The following RAPGEF2 variants were observed in gnomAD, a reference collection of about 807,000 sequenced individuals.
RAPGEF2 encodes PDZ domain containing guanine nucleotide exchange factor (GEF) 1.
RAPGEF2 carries 54 observed loss-of-function variants against 186.7 expected under a neutral mutation model. That is an observed-to-expected ratio of 0.29 (90% confidence interval 0.23 to 0.36). RAPGEF2 has a LOEUF of 0.36. Among genes scored for constraint, RAPGEF2 ranks in the 10% least tolerant of loss-of-function variants. The pLI is 1.00. For synonymous variants in RAPGEF2, 712 were observed against 705.9 expected (o/e 1.01, Z -0.14); for missense variants, 1,532 against 2,045.0 (o/e 0.75, Z 4.84).
At position 159,219,347 on chromosome 4, in the gene RAPGEF2, C is replaced by CTTTTTT. The variant is rs70962664; in HGVS notation, c.281+8785_281+8790dup. On this transcript the variant is annotated intron_variant, in intron 4 of 29. Coordinates refer to ENST00000691494, the MANE Select transcript of RAPGEF2 (RefSeq NM_001394067.2). ...CAAGGGATAGTGTCCCAACTGTATC[C>CTTTTTT]TTTTTTTTTTTTTTTTTTTTTTTTT... 6.1e-4 allele frequency among the ~76,000 whole-genome samples: 50 copies of CTTTTTT among 81,416 alleles called. 2 individuals carry two copies. The highest frequency in any genetic ancestry group is 2.4e-3 in the African/African-American group (42 of 17,784). The allele number at this position is 81,416 out of a possible 152,430, so 53.4% of individuals were successfully genotyped here.
intron 28 of RAPGEF2, 131 bp downstream of exon 28, chr4:159,354,177 T>C: frequency 9.9e-7 from 1 of 1,014,626 alleles, no homozygotes. Context: ...ACTTCCAAAT[T>C]AGTGGTGTGT....
intron 1 of RAPGEF2, among the ~76,000 whole-genome samples, chr4:159,167,293 C>A (rs1745430631): frequency 6.6e-6 from 1 of 152,130 alleles, no homozygotes; most frequent in South Asian, 2.1e-4. Context: ...AGTTTAGTTA[C>A]CATTTGAAAT....
chr4:159,279,980 C>T (rs755864179), intron 7 of RAPGEF2, among the ~76,000 whole-genome samples: 5 of 152,090 alleles, frequency 3.3e-5, no homozygotes, highest in South Asian at 2.1e-4. Context: ...CCACTGTGCC[C>T]GGCCTATATG....
rs1455218063 is a variant in RAPGEF2, at chr4:159,350,237, A to G, written c.3813A>G (p.Ala1271=). 2 of 1,601,062 alleles carry G rather than the reference A, an allele frequency of 1.2e-6. No individual in the cohort carries two copies. Among genetic ancestry groups the G allele is most frequent in the Non-Finnish European group, 1.7e-6 (2 of 1,173,884 alleles). The change falls in exon 26 of 30, where the codon GCA becomes GCG. Residue 1271 remains alanine (A), a synonymous_variant. Transcript: ENST00000691494. ...AGGCTGAAGATACAATATCAAATGC[A>G]TCTTCGCAGCTTTCTTCTCCTCCTA... ...KKQAEDTISN[A]SSQLSSPPTS...
intron 17 of RAPGEF2, among the ~76,000 whole-genome samples, chr4:159,337,209 G>T (rs190704769): frequency 1.6e-3 from 250 of 152,196 alleles, no homozygotes; most frequent in South Asian, 3.7e-3. Flanking sequence ...ATTTCTGTTG[G>T]CTTTTCTTTG....
At chr4:159,111,071 G>C (rs965679169) in intron 1 of RAPGEF2, among the ~76,000 whole-genome samples, 1 of 150,460 alleles carries the variant, frequency 6.6e-6, no homozygotes, top group Non-Finnish European at 1.5e-5. Flanking sequence ...ACTACCTACT[G>C]AATTTTAAGA....
intron 7 of RAPGEF2, among the ~76,000 whole-genome samples, chr4:159,296,621 C>A (rs1308255406): frequency 6.6e-6 from 1 of 152,164 alleles, no homozygotes; most frequent in African/African-American, 2.4e-5. Flanking sequence ...AATAGTCCTA[C>A]TAATACCTAT....
At chr4:159,198,338 T>TTTC (rs1749022211) in intron 3 of RAPGEF2, among the ~76,000 whole-genome samples, 2 of 136,610 alleles carry the variant, frequency 1.5e-5, no homozygotes, top group Non-Finnish European at 3.2e-5. Context: ...TTCTTTCTTT[T>TTTC]TCTTTCTCTC....
At chr4:159,294,702 C>G (rs1169941009) in intron 7 of RAPGEF2, among the ~76,000 whole-genome samples, 1 of 151,432 alleles carries the variant, frequency 6.6e-6, no homozygotes, top group Non-Finnish European at 1.5e-5. Flanking sequence ...TTCCGTCCGT[C>G]TGTCCGTCCT....
At chr4:159,151,097 A>G (rs1743485938) in intron 1 of RAPGEF2, among the ~76,000 whole-genome samples, 3 of 152,244 alleles carry the variant, frequency 2.0e-5, no homozygotes, top group African/African-American at 4.8e-5. Context: ...CCTATTTCCT[A>G]TACTTCAAGT....
intron 1 of RAPGEF2, among the ~76,000 whole-genome samples, chr4:159,123,720 G>T (rs976078811): frequency 6.6e-6 from 1 of 151,686 alleles, no homozygotes; most frequent in African/African-American, 2.4e-5. Flanking sequence ...GGGTTTCACC[G>T]TGTTAGCCAG....
At chr4:159,230,851 T>C (rs1247001996) in intron 4 of RAPGEF2, among the ~76,000 whole-genome samples, 1 of 152,178 alleles carries the variant, frequency 6.6e-6, no homozygotes, top group African/African-American at 2.4e-5. Context: ...TATAAACTAC[T>C]TAAGAAGAGG....
At chr4:159,212,636 T>C (rs949820096) in intron 4 of RAPGEF2, among the ~76,000 whole-genome samples, 3 of 152,224 alleles carry the variant, frequency 2.0e-5, no homozygotes, top group African/African-American at 4.8e-5. Context: ...CTATTTAACA[T>C]TCAGCTATTT....
At position 159,358,401 on chromosome 4, in the gene RAPGEF2, T is replaced by G; in HGVS notation, c.*262T>G. 1 of 418,596 alleles carries G rather than the reference T, an allele frequency of 2.4e-6. No individual in the cohort carries two copies. The highest frequency in any genetic ancestry group is 4.2e-6 in the Non-Finnish European group (1 of 237,870). 25.9% of individuals were successfully genotyped at this position (418,596 alleles called of 1,614,324 possible). A position where few individuals can be genotyped will look rare whatever the true frequency, so the allele number is the denominator to read the frequency against. On this transcript the variant is annotated 3_prime_UTR_variant, in exon 30 of 30. Coordinates refer to ENST00000691494, the MANE Select transcript of RAPGEF2 (RefSeq NM_001394067.2). ...GCAGCAATCTTCGAGCTCCCACTGT[T>G]GCTGCCTGCCACATCACACAGTATC... is the stretch of plus-strand genomic sequence containing the variant.
chr4:159,248,168 A>G (rs762765723), intron 7 of RAPGEF2, among the ~76,000 whole-genome samples: 3 of 152,230 alleles, frequency 2.0e-5, no homozygotes, highest in Non-Finnish European at 2.9e-5. Context: ...TTTAATGACC[A>G]TATTGTATAT....
At chr4:159,165,565 G>A (rs1333847279) in intron 1 of RAPGEF2, among the ~76,000 whole-genome samples, 1 of 152,270 alleles carries the variant, frequency 6.6e-6, no homozygotes, top group East Asian at 1.9e-4. Flanking sequence ...ATAAGAGCAG[G>A]TATTTTCATT....
At chr4:159,290,309 G>A (rs1476627820) in intron 7 of RAPGEF2, among the ~76,000 whole-genome samples, 1 of 148,928 alleles carries the variant, frequency 6.7e-6, no homozygotes, top group African/African-American at 2.6e-5. Flanking sequence ...GTATCTAAAG[G>A]CATTTTCAAA....
chr4:159,266,448 C>G (rs1048618597), intron 7 of RAPGEF2, among the ~76,000 whole-genome samples: 1 of 152,238 alleles, frequency 6.6e-6, no homozygotes, highest in Non-Finnish European at 1.5e-5. Context: ...TTAAAATGTC[C>G]TTATTCTTTG....
At chr4:159,188,114 T>C (rs980508201) in intron 2 of RAPGEF2, among the ~76,000 whole-genome samples, 1 of 150,784 alleles carries the variant, frequency 6.6e-6, no homozygotes, top group Admixed American at 6.6e-5. Context: ...TGTGTAACTT[T>C]CATTTTATAT....
Sources: allele counts gnomAD v4.1 joint callset (sites outside exome capture counted in the v4.1 genomes callset), GRCh38; gene constraint gnomAD v4.1.1; transcripts MANE v1.5; gene names NCBI Gene and HGNC (gene_info 2026-07-23, HGNC 2026-07-21).